AGMO: variants seen among roughly 807,000 people sequenced by gnomAD.
AGMO encodes the protein glyceryl-ether monooxygenase.
A neutral mutation model predicts 60.2 loss-of-function variants in AGMO; 75 were observed. The observed-to-expected ratio is 1.25, with a 90% confidence interval of 1.03 to 1.51. The LOEUF (loss-of-function observed/expected upper bound fraction) is 1.51. Among genes scored for constraint, AGMO ranks in the 40% most tolerant of loss-of-function variants. The probability of loss-of-function intolerance (pLI) is 0.00; values close to 1 mark genes in which losing one functional copy is unlikely to be tolerated. For synonymous variants in AGMO, 261 were observed against 177.1 expected (o/e 1.47, Z -3.76); for missense variants, 763 against 525.5 (o/e 1.45, Z -4.42).
chr7:15,383,460 A>G (rs748670054), intron 10 of AGMO, among the ~76,000 whole-genome samples: 5 of 151,566 alleles, frequency 3.3e-5, no homozygotes, highest in Admixed American at 6.6e-5. Flanking sequence ...CTCCTGCCTA[A>G]AAGTCCTGCT....
At chr7:15,507,938 C>T (rs978894439) in intron 3 of AGMO, among the ~76,000 whole-genome samples, 2 of 151,914 alleles carry the variant, frequency 1.3e-5, no homozygotes, top group Non-Finnish European at 2.9e-5. Context: ...GTGATGACTG[C>T]TGGGATGGGT....
intron 12 of AGMO, among the ~76,000 whole-genome samples, chr7:15,260,566 G>C (rs1030178098): frequency 2.0e-5 from 3 of 152,004 alleles, no homozygotes; most frequent in Non-Finnish European, 2.9e-5. Flanking sequence ...CACAATAATA[G>C]TGGGGGACTT....
intron 3 of AGMO, among the ~76,000 whole-genome samples, chr7:15,497,769 C>T (rs969985092): frequency 6.6e-6 from 1 of 151,954 alleles, no homozygotes; most frequent in African/African-American, 2.4e-5. Context: ...AAATCGAAAG[C>T]CTACAAAAAT....
intron 10 of AGMO, among the ~76,000 whole-genome samples, chr7:15,380,783 A>G (rs950584141): frequency 2.0e-5 from 3 of 152,194 alleles, no homozygotes; most frequent in Non-Finnish European, 4.4e-5. Context: ...TTTGAACTAC[A>G]CTACAGGTCT....
At chr7:15,548,642 G>C (rs891988273) in intron 2 of AGMO, among the ~76,000 whole-genome samples, 105 of 152,068 alleles carry the variant, frequency 6.9e-4, no homozygotes, top group Non-Finnish European at 2.6e-4. Flanking sequence ...AATGAGCAAA[G>C]CCTCCAAGAA....
At chr7:15,233,824 C>T (rs1036991819) in intron 12 of AGMO, among the ~76,000 whole-genome samples, 16 of 151,732 alleles carry the variant, frequency 1.1e-4, no homozygotes, top group African/African-American at 3.6e-4. Context: ...GGCTGAGGCG[C>T]GTGGATCACG....
intron 3 of AGMO, among the ~76,000 whole-genome samples, chr7:15,433,641 G>A (rs1488108934): frequency 6.6e-6 from 1 of 151,898 alleles, no homozygotes; most frequent in Non-Finnish European, 1.5e-5. Flanking sequence ...TTTAAGAAAT[G>A]AAAACAAATA....
intron 3 of AGMO, among the ~76,000 whole-genome samples, chr7:15,542,842 C>A (rs1244334076): frequency 6.6e-6 from 1 of 152,180 alleles, no homozygotes; most frequent in Non-Finnish European, 1.5e-5. Flanking sequence ...TTATCACGCA[C>A]AAACTTAATA....
chr7:15,381,952 G>A (rs1204987171), intron 10 of AGMO, among the ~76,000 whole-genome samples: 2 of 152,014 alleles, frequency 1.3e-5, no homozygotes, highest in South Asian at 4.2e-4. Context: ...GTTCTCACTT[G>A]TAAGTGGGAG....
At chr7:15,469,607 C>A (rs547253492) in intron 3 of AGMO, among the ~76,000 whole-genome samples, 135 of 152,184 alleles carry the variant, frequency 8.9e-4, no homozygotes, top group African/African-American at 2.9e-3. Context: ...GAGATGAGGG[C>A]ATTCAAGACC....
At position 15,549,078 on chromosome 7, in the gene AGMO, C is replaced by T. The variant is rs369982178; in HGVS notation, c.258-4155G>A. On this transcript the variant is annotated intron_variant, in intron 2 of 12. Transcript: ENST00000342526. ...ATCCAGCCAAACTAAGCTTCATAAGCGAAGGAGAAATAAAATACTTTACAG... is the reference window on the plus strand; with the variant it reads ...ATCCAGCCAAACTAAGCTTCATAAGTGAAGGAGAAATAAAATACTTTACAG... 6.2e-3 allele frequency among the ~76,000 whole-genome samples: 924 copies of T among 149,810 alleles called. 8 individuals are homozygous for T. The highest frequency in any genetic ancestry group is 0.022 in the African/African-American group (864 of 40,010).
At chr7:15,550,514 T>C (rs1469314646) in intron 2 of AGMO, among the ~76,000 whole-genome samples, 1 of 152,030 alleles carries the variant, frequency 6.6e-6, no homozygotes, top group Non-Finnish European at 1.5e-5. Context: ...AAATACAAAC[T>C]ACCATCAGAG....
intron 3 of AGMO, among the ~76,000 whole-genome samples, chr7:15,481,008 AT>A (rs1309831534): frequency 6.6e-6 from 1 of 152,152 alleles, no homozygotes; most frequent in Non-Finnish European, 1.5e-5. Context: ...ATGTATAAAC[AT>A]TAACATGTTT....
intron 3 of AGMO, among the ~76,000 whole-genome samples, chr7:15,432,604 C>A (rs988636554): frequency 6.6e-6 from 1 of 151,506 alleles, no homozygotes; most frequent in African/African-American, 2.4e-5. Flanking sequence ...TTATTAAAGT[C>A]ATATATTTTT....
intron 3 of AGMO, among the ~76,000 whole-genome samples, chr7:15,488,631 T>G (rs4721443): frequency 0.65 from 99,227 of 151,948 alleles, 36,176 homozygotes; most frequent in East Asian, 0.96. Context: ...AATATTTCAT[T>G]TTTAAACGAC....
At chr7:15,190,557 T>C in the AGMO span, among the ~76,000 whole-genome samples, 1 of 152,118 alleles carries the variant, frequency 6.6e-6, no homozygotes, top group South Asian at 2.1e-4. Flanking sequence ...AAAATAAGAA[T>C]TAGAATTTGT....
chr7:15,531,092 ATT>A (rs1562556646), intron 3 of AGMO, among the ~76,000 whole-genome samples: 4 of 14,908 alleles, frequency 2.7e-4, no homozygotes, highest in African/African-American at 1.1e-3. Context: ...CTATATATAT[ATT>A]CTATATATAT....
intron 3 of AGMO, among the ~76,000 whole-genome samples, chr7:15,457,810 C>G (rs1262506727): frequency 2.0e-5 from 3 of 152,102 alleles, no homozygotes; most frequent in African/African-American, 7.2e-5. Context: ...ATGAGATCTA[C>G]TTTAACCAAG....
intron 12 of AGMO, among the ~76,000 whole-genome samples, chr7:15,358,862 G>C (rs1452188844): frequency 6.6e-6 from 1 of 152,094 alleles, no homozygotes; most frequent in Non-Finnish European, 1.5e-5. Context: ...TGGGGATGAT[G>C]ACCTAAATGT....
Sources: gnomAD v4.1 joint callset for allele counts (sites outside exome capture counted in the v4.1 genomes callset) on GRCh38, gnomAD v4.1.1 for gene constraint, MANE v1.5 for transcripts, NCBI Gene and HGNC (gene_info 2026-07-23, HGNC 2026-07-21) for gene names.